The following SINHCAF variants were observed in gnomAD, a reference collection of about 807,000 sequenced individuals.
SINHCAF encodes the protein SIN3-HDAC complex-associated factor.
Under a neutral mutation model 25.8 loss-of-function variants are expected in SINHCAF, and 3 were observed. The observed-to-expected ratio is 0.12, with a 90% CI of 0.05 to 0.30. SINHCAF has a LOEUF of 0.30. Ranked by LOEUF, SINHCAF falls within the 10% of genes least tolerant of loss-of-function variation. The probability of loss-of-function intolerance (pLI) is 1.00; values close to 1 mark genes in which losing one functional copy is unlikely to be tolerated. For synonymous variants in SINHCAF, 70 were observed against 85.5 expected (o/e 0.82, Z 1.00); for missense variants, 121 against 262.3 (o/e 0.46, Z 3.72).
chr12:31,317,874 AG>A (rs1276035107), intron 1 of SINHCAF, among the ~76,000 whole-genome samples: 1 of 152,238 alleles, frequency 6.6e-6, no homozygotes, highest in African/African-American at 2.4e-5. Flanking sequence ...AGGAAGCAGC[AG>A]TGAACAAAGA....
chr12:31,318,307 T>C (rs12312397), intron 1 of SINHCAF, among the ~76,000 whole-genome samples: 10 of 152,196 alleles, frequency 6.6e-5, no homozygotes, highest in African/African-American at 2.4e-4. Flanking sequence ...GCAGCCTACA[T>C]CTCAGCAAAA....
chr12:31,306,406 A>G (rs1395544735), intron 1 of SINHCAF, among the ~76,000 whole-genome samples: 5 of 152,170 alleles, frequency 3.3e-5, no homozygotes, highest in African/African-American at 1.2e-4. Context: ...CAATGGGTCA[A>G]GCTGTAAATG....
chr12:31,307,101 G>A (rs1333455086), intron 1 of SINHCAF, among the ~76,000 whole-genome samples: 1 of 152,210 alleles, frequency 6.6e-6, no homozygotes, highest in Non-Finnish European at 1.5e-5. Flanking sequence ...TCAGAAGACT[G>A]GCCAGGCCTG....
intron 5 of SINHCAF, among the ~76,000 whole-genome samples, chr12:31,284,799 C>T (rs76150941): frequency 0.011 from 1,746 of 152,214 alleles, 17 homozygotes; most frequent in East Asian, 0.037. Flanking sequence ...TATACTATTC[C>T]ATTGGTTTAT....
chr12:31,319,873 C>T (rs920794912), intron 1 of SINHCAF, among the ~76,000 whole-genome samples: 2 of 152,172 alleles, frequency 1.3e-5, no homozygotes, highest in African/African-American at 4.8e-5. Flanking sequence ...AATCTTCCCT[C>T]CAAATCTGCT....
At chr12:31,311,502 C>A in intron 1 of SINHCAF, 1 of 201,720 alleles carries the variant, frequency 5.0e-6, no homozygotes, top group South Asian at 9.5e-5. Flanking sequence ...GATAGAGAAT[C>A]AGGACTCCAG....
chr12:31,288,411 A>G (rs1249843679), intron 4 of SINHCAF, among the ~76,000 whole-genome samples: 1 of 152,138 alleles, frequency 6.6e-6, no homozygotes, highest in African/African-American at 2.4e-5. Context: ...CCACCCTCAC[A>G]AGACTTAGGA....
At chr12:31,303,083 A>G in intron 1 of SINHCAF, 1 of 985,380 alleles carries the variant, frequency 1.0e-6, no homozygotes, top group African/African-American at 1.7e-5. Context: ...ATGTTTTTCA[A>G]GATTTGAGGG....
intron 4 of SINHCAF, among the ~76,000 whole-genome samples, chr12:31,290,202 T>C (rs974061615): frequency 6.6e-5 from 10 of 152,142 alleles, no homozygotes; most frequent in African/African-American, 2.4e-4. Context: ...CAGGCTGGAG[T>C]GCAGTGGCTG....
intron 5 of SINHCAF, among the ~76,000 whole-genome samples, chr12:31,283,102 G>GGCATTTTGAAAGACA (rs1245400554): frequency 6.6e-6 from 1 of 151,840 alleles, no homozygotes; most frequent in East Asian, 1.9e-4. Flanking sequence ...TGAGGAAGAC[G>GGCATTTTGAAAGACA]GCATTTTGAA....
intron 1 of SINHCAF, among the ~76,000 whole-genome samples, chr12:31,311,135 C>T (rs1217465629): frequency 4.6e-5 from 7 of 151,996 alleles, no homozygotes; most frequent in Admixed American, 1.3e-4. Context: ...CCAAAGTGTC[C>T]GGCCGTAATC....
At chr12:31,295,808 GT>G (rs1447574280) in intron 2 of SINHCAF, among the ~76,000 whole-genome samples, 1 of 151,822 alleles carries the variant, frequency 6.6e-6, no homozygotes, top group East Asian at 1.9e-4. Flanking sequence ...GGAAGCAGAG[GT>G]TGCAGTGAGC....
chr12:31,287,062 G>T (rs1453027178), intron 5 of SINHCAF, among the ~76,000 whole-genome samples: 4 of 152,174 alleles, frequency 2.6e-5, no homozygotes, highest in African/African-American at 9.7e-5. Context: ...GATTACAGGT[G>T]TGAGCCATCA....
intron 1 of SINHCAF, among the ~76,000 whole-genome samples, chr12:31,299,981 T>C (rs900615400): frequency 3.3e-5 from 5 of 152,178 alleles, no homozygotes; most frequent in African/African-American, 1.2e-4. Context: ...TACAAAAAAA[T>C]ATGGTATCAT....
chr12:31,298,307 C>T, intron 1 of SINHCAF, 83 bp from the exon 2 acceptor site: 1 of 1,530,108 alleles, frequency 6.5e-7, no homozygotes, highest in Non-Finnish European at 8.9e-7. Flanking sequence ...TCCACCCCAC[C>T]CCCAAGCAAC....
chr12:31,315,735 A>C (rs540280367), intron 1 of SINHCAF, among the ~76,000 whole-genome samples: 5 of 152,388 alleles, frequency 3.3e-5, no homozygotes, highest in African/African-American at 9.6e-5. Context: ...TCACAGGTGT[A>C]ATAAATGTGT....
At chr12:31,316,346 A>G (rs1302289930) in intron 1 of SINHCAF, among the ~76,000 whole-genome samples, 1 of 152,188 alleles carries the variant, frequency 6.6e-6, no homozygotes, top group Non-Finnish European at 1.5e-5. Flanking sequence ...TTAAAACACA[A>G]CAATCAATTC....
intron 1 of SINHCAF, among the ~76,000 whole-genome samples, chr12:31,310,940 G>A (rs374791952): frequency 4.1e-5 from 6 of 147,736 alleles, no homozygotes; most frequent in African/African-American, 1.5e-4. Context: ...TACAATCTCC[G>A]CTCATTGCAA....
At chr12:31,315,696 T>C (rs1335706767) in intron 1 of SINHCAF, among the ~76,000 whole-genome samples, 1 of 152,244 alleles carries the variant, frequency 6.6e-6, no homozygotes, top group African/African-American at 2.4e-5. Flanking sequence ...AGGAGGACTG[T>C]GTTGATCAGT....
Sources: allele counts gnomAD v4.1 joint callset (sites outside exome capture counted in the v4.1 genomes callset), GRCh38; gene constraint gnomAD v4.1.1; transcripts MANE v1.5; gene names NCBI Gene and HGNC (gene_info 2026-07-23, HGNC 2026-07-21).